Variants in RBFOX1 observed in about 807,000 individuals in gnomAD.
RBFOX1 encodes RNA binding fox-1 homolog 1, also known as RNA binding protein fox-1 homolog 1.
In RBFOX1, 8 loss-of-function variants were observed where a neutral mutation model predicts 57.7. That is an observed-to-expected ratio of 0.14 (90% CI 0.08 to 0.25). The LOEUF (loss-of-function observed/expected upper bound fraction) is 0.25, where lower values mean the gene tolerates loss of function less well. RBFOX1 is among the 10% of genes least tolerant of loss of function. RBFOX1 has a pLI of 1.00. For synonymous variants in RBFOX1, 326 were observed against 222.4 expected (o/e 1.47, Z -4.15); for missense variants, 611 against 548.5 (o/e 1.11, Z -1.14).
chr16:6,194,411 A>T (rs1470446055), intron 1 of RBFOX1, among the ~76,000 whole-genome samples: 2 of 152,124 alleles, frequency 1.3e-5, no homozygotes, highest in Admixed American at 6.6e-5. Context: ...TGTTTTCAGG[A>T]TTATGACCAA....
intron 2 of RBFOX1, among the ~76,000 whole-genome samples, chr16:5,587,904 G>A (rs1567264356): frequency 1.3e-5 from 2 of 152,158 alleles, no homozygotes; most frequent in Admixed American, 6.5e-5. Context: ...GATAACGTGT[G>A]CGGGAATGCT....
At chr16:6,589,736 G>C (rs76413658) in intron 2 of RBFOX1, among the ~76,000 whole-genome samples, 13,721 of 152,214 alleles carry the variant, frequency 0.09, 1,031 homozygotes, top group East Asian at 0.41. Flanking sequence ...GGAAAGGGCT[G>C]TTCTCATCTT....
intron 3 of RBFOX1, among the ~76,000 whole-genome samples, chr16:5,819,553 A>T (rs1567583653): frequency 1.3e-5 from 2 of 152,156 alleles, no homozygotes; most frequent in Admixed American, 1.3e-4. Flanking sequence ...GTATTTTGGA[A>T]CACAGGTTCT....
chr16:5,416,506 C>G (rs899803225), intron 1 of RBFOX1, among the ~76,000 whole-genome samples: 14 of 152,210 alleles, frequency 9.2e-5, no homozygotes, highest in Non-Finnish European at 1.9e-4. Context: ...GGGCTAGAAA[C>G]TGGAAATACC....
At chr16:6,586,217 C>T (rs1451298269) in intron 2 of RBFOX1, among the ~76,000 whole-genome samples, 1 of 152,168 alleles carries the variant, frequency 6.6e-6, no homozygotes, top group African/African-American at 2.4e-5. Flanking sequence ...TCAAGAAAAT[C>T]CCAATTTGCT....
At chr16:6,854,537 G>A (rs182384321) in intron 3 of RBFOX1, among the ~76,000 whole-genome samples, 2 of 149,674 alleles carry the variant, frequency 1.3e-5, no homozygotes, top group Admixed American at 6.8e-5. Context: ...CCTGGCCAAC[G>A]ACATCTTCTG....
At chr16:5,978,906 G>T (rs1450109044) in intron 4 of RBFOX1, among the ~76,000 whole-genome samples, 1 of 152,116 alleles carries the variant, frequency 6.6e-6, no homozygotes, top group Admixed American at 6.5e-5. Context: ...TGGGCTGAGG[G>T]GGTGGCTGCC....
At chr16:6,412,058 G>A (rs746998034) in intron 2 of RBFOX1, among the ~76,000 whole-genome samples, 53 of 151,466 alleles carry the variant, frequency 3.5e-4, no homozygotes, top group African/African-American at 1.0e-3. Flanking sequence ...CTTGAAACCC[G>A]GGAGGCAGAG....
At chr16:7,220,983 C>G (rs374160717) in intron 4 of RBFOX1, among the ~76,000 whole-genome samples, 3 of 152,124 alleles carry the variant, frequency 2.0e-5, no homozygotes, top group East Asian at 3.9e-4. Context: ...CCAGGTAAGA[C>G]AAGTCATCGG....
At chr16:7,104,989 C>G (rs970650882) in intron 4 of RBFOX1, among the ~76,000 whole-genome samples, 6 of 152,090 alleles carry the variant, frequency 3.9e-5, no homozygotes, top group Non-Finnish European at 7.4e-5. Context: ...CTTTATGTTT[C>G]TCAGCTCTGC....
chr16:6,745,998 A>G (rs1356272634), intron 3 of RBFOX1, among the ~76,000 whole-genome samples: 3 of 152,266 alleles, frequency 2.0e-5, no homozygotes, highest in Admixed American at 1.3e-4. Context: ...ATTGGAAATT[A>G]AAGCTTAAAA....
chr16:7,425,392 C>G (rs980977223), intron 4 of RBFOX1, among the ~76,000 whole-genome samples: 4 of 152,176 alleles, frequency 2.6e-5, no homozygotes, highest in African/African-American at 9.6e-5. Flanking sequence ...TCATTTTTCC[C>G]TCAACCGGAT....
intron 4 of RBFOX1, among the ~76,000 whole-genome samples, chr16:7,318,488 C>T (rs911605626): frequency 2.0e-5 from 3 of 152,068 alleles, no homozygotes; most frequent in Non-Finnish European, 4.4e-5. Context: ...ACCTTTGCAC[C>T]GTTGGGCAAA....
chr16:6,854,015 G>T (rs1325425387), intron 3 of RBFOX1, among the ~76,000 whole-genome samples: 2 of 152,108 alleles, frequency 1.3e-5, no homozygotes, highest in Non-Finnish European at 2.9e-5. Flanking sequence ...AAGAAAGAAA[G>T]GTAGAAGGAA....
chr16:6,414,893 C>G (rs8050852), intron 2 of RBFOX1, among the ~76,000 whole-genome samples: 19,565 of 152,020 alleles, frequency 0.13, 1,896 homozygotes, highest in African/African-American at 0.27. Flanking sequence ...AGACATCCTG[C>G]AAGGCATGGG....
chr16:6,441,048 G>A (rs1449448874), intron 2 of RBFOX1, among the ~76,000 whole-genome samples: 2 of 152,150 alleles, frequency 1.3e-5, no homozygotes, highest in Non-Finnish European at 2.9e-5. Flanking sequence ...AGACCAGGAT[G>A]TTGAGTGCAC....
intron 3 of RBFOX1, among the ~76,000 whole-genome samples, chr16:6,955,852 C>T (rs1446450353): frequency 6.6e-6 from 1 of 151,966 alleles, no homozygotes; most frequent in Non-Finnish European, 1.5e-5. Flanking sequence ...ATTATAGATG[C>T]ATGCCACCAT....
chr16:7,578,826 G>A (rs768526485), intron 5 of RBFOX1, among the ~76,000 whole-genome samples: 1 of 152,168 alleles, frequency 6.6e-6, no homozygotes, highest in Non-Finnish European at 1.5e-5. Flanking sequence ...CTCTAGAACC[G>A]AGAGTATGGC....
intron 1 of RBFOX1, among the ~76,000 whole-genome samples, chr16:6,173,821 G>A (rs1220543885): frequency 6.6e-6 from 1 of 151,958 alleles, no homozygotes; most frequent in African/African-American, 2.4e-5. Context: ...TGTTGGCCAG[G>A]CTGGTCTTGA....
Sources: allele counts gnomAD v4.1 joint callset (sites outside exome capture counted in the v4.1 genomes callset), GRCh38; gene constraint gnomAD v4.1.1; transcripts MANE v1.5; gene names NCBI Gene and HGNC (gene_info 2026-07-23, HGNC 2026-07-21).